RBMX2: variants seen among roughly 807,000 people sequenced by gnomAD.
RBMX2 encodes the protein RNA-binding motif protein, X-linked 2.
For synonymous variants in RBMX2, 77 were observed against 94.3 expected (o/e 0.82, Z 1.07); for missense variants, 191 against 256.0 (o/e 0.75, Z 1.73).
chrX:130,412,223 G>A, intron 5 of RBMX2, 138 bp from the exon 6 acceptor site: 1 of 846,324 alleles, frequency 1.2e-6, no homozygotes, highest in Non-Finnish European at 1.6e-6. Context: ...ACCGCACCCG[G>A]CTGTGAATGT....
intron 1 of RBMX2, 26 bp from the exon 2 acceptor site, chrX:130,402,229 T>TCCCCCCCCCCCCCCC: frequency 5.5e-6 from 4 of 723,012 alleles, no homozygotes; most frequent in South Asian, 5.1e-5. Context: ...CTGCCTACCC[T>TCCCCCCCCCCCCCCC]CCCCACCCCC....
intron 1 of RBMX2, 31 bp from the exon 2 acceptor site, chrX:130,402,224 T>TTCCCAA: frequency 4.3e-6 from 5 of 1,174,320 alleles, no homozygotes; most frequent in Non-Finnish European, 5.7e-6. Context: ...CTTTTCTGCC[T>TTCCCAA]ACCCTCCCCA....
At chrX:130,410,606 C>T (rs1430292970) in intron 4 of RBMX2, among the ~76,000 whole-genome samples, 1 of 111,587 alleles carries the variant, frequency 9.0e-6, no homozygotes, top group Non-Finnish European at 1.9e-5. Context: ...AGGCTGGTCT[C>T]GTACTTCTGA....
intron 3 of RBMX2, 29 bp from the exon 4 acceptor site, chrX:130,409,228 A>T: frequency 1.7e-6 from 2 of 1,167,167 alleles, no homozygotes; most frequent in Non-Finnish European, 1.1e-6. Flanking sequence ...TTAAGTCAAC[A>T]GTGTCTTACT....
chrX:130,406,130 CAGG>C (rs1569460014), intron 3 of RBMX2, among the ~76,000 whole-genome samples: 2 of 68,075 alleles, frequency 2.9e-5, no homozygotes, highest in African/African-American at 3.2e-4. Flanking sequence ...GCTGGGATTA[CAGG>C]TGTGAGCCAC....
At chrX:130,409,563 C>T (rs2034502182) in intron 4 of RBMX2, among the ~76,000 whole-genome samples, 177 bp downstream of exon 4, 1 of 111,855 alleles carries the variant, frequency 8.9e-6, no homozygotes, top group African/African-American at 3.3e-5. Context: ...TCTGTTGGCT[C>T]ATGGTCCTGC....
Position 130,404,852 on chromosome X carries a change from G to A in RBMX2, c.173+999G>A, listed in dbSNP as rs778557937. 6.2e-5 allele frequency among the ~76,000 whole-genome samples: 7 copies of A among 112,636 alleles called. No individual in the cohort carries two copies. In the South Asian group the frequency reaches 2.6e-3, roughly 41 times the overall value. On this transcript the variant is annotated intron_variant, in intron 3 of 5. Coordinates refer to ENST00000305536, the MANE Select transcript of RBMX2 (RefSeq NM_016024.4). ...GAGGGCCCTGGCAGGGACAAAGATT[G>A]CTTCCTCCAACTTCTGGATGTTGGG...
At chrX:130,411,262 T>C in intron 4 of RBMX2, 86 bp from the exon 5 acceptor site, 1 of 926,776 alleles carries the variant, frequency 1.1e-6, no homozygotes. Flanking sequence ...GTAGTTCAAA[T>C]CATGGTTCTC....
chrX:130,408,065 T>G (rs1174861324), intron 3 of RBMX2, among the ~76,000 whole-genome samples: 1 of 111,683 alleles, frequency 9.0e-6, no homozygotes, highest in Non-Finnish European at 1.9e-5. Flanking sequence ...GGTCTCGAAC[T>G]ACTGGCCTCA....
intron 4 of RBMX2, 84 bp from the exon 5 acceptor site, chrX:130,411,264 A>C: frequency 1.1e-6 from 1 of 933,721 alleles, no homozygotes; most frequent in Admixed American, 3.2e-5. Context: ...AGTTCAAATC[A>C]TGGTTCTCTG....
rs1429422355 is a variant in RBMX2, at chrX:130,412,820, C to T, written c.941C>T (p.Ser314Leu). ...RARRSRERES[S>L]NPSDRWRH is the part of the protein sequence containing the mutation. ...CGACGCTCCCGGGAGCGGGAGTCTTCGAATCCCAGTGACCGTTGGCGTCAC... is the reference window on the plus strand; with the variant it reads ...CGACGCTCCCGGGAGCGGGAGTCTTTGAATCCCAGTGACCGTTGGCGTCAC... Residue 314 changes from serine (S) to leucine (L), a missense_variant, in exon 6 of 6, where the codon TCG becomes TTG. Physicochemically the swap from Ser to Leu is moderately radical, Grantham distance 145 (BLOSUM62 -2). Transcript: ENST00000305536. 14 of 1,207,660 alleles carry T rather than the reference C, an allele frequency of 1.2e-5. No homozygotes were observed. The highest frequency in any genetic ancestry group is 7.1e-5 in the South Asian group (4 of 56,536).
chrX:130,409,429 T>C, intron 4 of RBMX2, 43 bp downstream of exon 4: 2 of 1,154,726 alleles, frequency 1.7e-6, no homozygotes, highest in Non-Finnish European at 2.3e-6. Flanking sequence ...TTTTTTCCCA[T>C]GTATAGGGGT....
chrX:130,403,215 T>A (rs1006710300), intron 2 of RBMX2, among the ~76,000 whole-genome samples: 1 of 112,323 alleles, frequency 8.9e-6, no homozygotes, highest in African/African-American at 3.2e-5. Context: ...AACTATCTGC[T>A]TTGTCCATAG....
chrX:130,409,258 T>C lies in RBMX2; in HGVS notation c.175T>C (p.Tyr59His). ...CTTACTCTTTTATAAAATAAATAGATATGGGGAGATTGTTAACATTAATCT... is the reference window on the plus strand; with the variant it reads ...CTTACTCTTTTATAAAATAAATAGACATGGGGAGATTGTTAACATTAATCT... ...EGDIICVFSQ[Y>H]GEIVNINLVR... is the part of the protein sequence containing the mutation. Residue 59 changes from tyrosine to histidine, a missense_variant and splice_region_variant, in exon 4 of 6, where the codon TAT (tyrosine) becomes CAT (histidine). Transcript: ENST00000305536. The C allele has an allele frequency of 8.3e-7, 1 of 1,203,375 alleles. No homozygotes were observed. The highest frequency in any genetic ancestry group is 1.1e-6 in the Non-Finnish European group (1 of 890,050).
Position 130,403,851 on chromosome X carries a change from A to C in RBMX2, c.171A>C (p.Ser57=). 2 of 1,208,249 alleles carry C rather than the reference A, an allele frequency of 1.7e-6. No individual in the cohort carries two copies. The highest frequency in any genetic ancestry group is 2.2e-6 in the Non-Finnish European group (2 of 891,922). ...LTEGDIICVF[S]QYGEIVNINL... Reference sequence around the variant, plus strand: ...AAGGGGACATCATCTGTGTGTTCTCACAGTAAGTGTCCTTTCATTTCCTGC... The same window carrying C: ...AAGGGGACATCATCTGTGTGTTCTCCCAGTAAGTGTCCTTTCATTTCCTGC... Residue 57 remains serine (S), a splice_region_variant and synonymous_variant, in exon 3 of 6, where the codon TCA becomes TCC. Coordinates refer to ENST00000305536, the MANE Select transcript of RBMX2 (RefSeq NM_016024.4).
At chrX:130,405,510 T>G (rs2124785651) in intron 3 of RBMX2, among the ~76,000 whole-genome samples, 1 of 111,862 alleles carries the variant, frequency 8.9e-6, no homozygotes, top group East Asian at 2.8e-4. Context: ...AAGGAAAACC[T>G]TAATGTTTTG....
intron 1 of RBMX2, 30 bp from the exon 2 acceptor site, chrX:130,402,225 A>AGCCGAC: frequency 2.0e-6 from 2 of 984,795 alleles, no homozygotes; most frequent in Non-Finnish European, 2.8e-6. Context: ...TTTTCTGCCT[A>AGCCGAC]CCCTCCCCAC....
At chrX:130,407,792 G>A (rs1250370839) in intron 3 of RBMX2, among the ~76,000 whole-genome samples, 1 of 108,522 alleles carries the variant, frequency 9.2e-6, no homozygotes, top group African/African-American at 3.4e-5. Context: ...TGAATGGCTG[G>A]GACTACAGGT....
Position 130,402,357 on chromosome X carries a change from C to T in RBMX2, c.108C>T (p.Ala36=). The T allele has an allele frequency of 1.7e-6, 2 of 1,208,481 alleles. No homozygotes were observed. Among genetic ancestry groups the T allele is most frequent in the Non-Finnish European group, 2.2e-6 (2 of 894,281 alleles). ...GGCACTCCGAGTACAAGGACAGCGC[C>T]TGGATCTTCCTGGGTGAGGTCCACA... ...VSWHSEYKDS[A]WIFLGGLPYE... The change falls in exon 2 of 6, where the codon GCC becomes GCT. Residue 36 remains alanine (A), a synonymous_variant. Coordinates refer to ENST00000305536, the MANE Select transcript of RBMX2 (RefSeq NM_016024.4).
Sources: gnomAD v4.1 joint callset for allele counts (sites outside exome capture counted in the v4.1 genomes callset) on GRCh38, gnomAD v4.1.1 for gene constraint, MANE v1.5 for transcripts, NCBI Gene and HGNC (gene_info 2026-07-23, HGNC 2026-07-21) for gene names.